Variants in BTBD7 observed in about 807,000 individuals in gnomAD.
BTBD7 encodes BTB domain containing 7.
BTBD7 carries 38 observed loss-of-function variants against 99.9 expected under a neutral mutation model. The ratio of observed to expected loss-of-function variants is 0.38; its 90% CI spans 0.29 to 0.50. The LOEUF (loss-of-function observed/expected upper bound fraction) is 0.50, where lower values mean the gene tolerates loss of function less well. Among genes scored for constraint, BTBD7 ranks in the 20% least tolerant of loss-of-function variants. BTBD7 has a pLI of 0.93. For missense variants in BTBD7, 1,170 were observed against 1,394.6 expected (o/e 0.84, Z 2.57); for synonymous variants, 520 against 511.4 (o/e 1.02, Z -0.23).
At chr14:93,256,529 C>T (rs57176727) in intron 6 of BTBD7, 17,357 of 151,916 alleles carry the variant, frequency 0.11, 1,207 homozygotes, top group African/African-American at 0.19. Context: ...AGCAATTCCC[C>T]TGCCTCAGCC....
chr14:93,279,424 T>C (rs1248986839), intron 3 of BTBD7, among the ~76,000 whole-genome samples: 3 of 152,128 alleles, frequency 2.0e-5, no homozygotes, highest in African/African-American at 4.8e-5. Flanking sequence ...TATGTCCTCC[T>C]GCCCTCCCCT....
At chr14:93,325,298 TG>T (rs1439988183) in intron 1 of BTBD7, among the ~76,000 whole-genome samples, 2 of 151,912 alleles carry the variant, frequency 1.3e-5, no homozygotes. Context: ...TTAGTAGAGA[TG>T]GGGTTTCGCC....
At chr14:93,312,370 T>C (rs1429157673) in intron 1 of BTBD7, among the ~76,000 whole-genome samples, 1 of 152,216 alleles carries the variant, frequency 6.6e-6, no homozygotes, top group East Asian at 1.9e-4. Flanking sequence ...GTGTTAAGAA[T>C]ACAGGTCTAC....
In BTBD7 at chr14:93,251,429, C is replaced by T. The variant is rs12431648; in HGVS notation, c.1942+34G>A. On this transcript the variant is annotated intron_variant, in intron 8 of 10. Transcript: ENST00000334746. ...AATTTCAAAAAAACAATAAATTATT[C>T]ATTTAAATATAAACACCCAACATAC... 4,757 of 1,509,350 alleles carry T rather than the reference C, an allele frequency of 3.2e-3. 135 individuals are homozygous for T. In the African/African-American group the frequency reaches 0.06, roughly 19 times the overall value. The allele number at this position is 1,509,350 out of a possible 1,614,324, so 93.5% of individuals were successfully genotyped here. A position where few individuals can be genotyped will look rare whatever the true frequency, so the allele number is the denominator to read the frequency against.
chr14:93,258,185 G>A (rs2052450919), intron 5 of BTBD7, among the ~76,000 whole-genome samples: 1 of 151,152 alleles, frequency 6.6e-6, no homozygotes, highest in Admixed American at 6.6e-5. Flanking sequence ...AGGAAAACTG[G>A]TATCTTCCTT....
Position 93,294,716 on chromosome 14 carries a change from C to T in BTBD7, c.304G>A (p.Val102Met), listed in dbSNP as rs1401088873. 6.2e-7 allele frequency: 1 copy of T among 1,613,986 alleles called. No individual in the cohort carries two copies. Among genetic ancestry groups the T allele is most frequent in the African/African-American group, 1.3e-5 (1 of 74,912 alleles). The change falls in exon 3 of 11, where the codon GTG becomes ATG. Residue 102 changes from valine (V) to methionine (M), a missense_variant. Val to Met is a conservative substitution (Grantham distance 21, BLOSUM62 1). Transcript: ENST00000334746. Reference sequence around the variant, plus strand: ...GCTGATGTTCCCTCATATTCCTCCACTAATGCATTGACATCTCTAACATCC... The same window carrying T: ...GCTGATGTTCCCTCATATTCCTCCATTAATGCATTGACATCTCTAACATCC... Reference protein sequence around the residue: ...GWDVRDVNALVEEYEGTSALK... With the variant: ...GWDVRDVNALMEEYEGTSALK...
At chr14:93,286,157 T>C (rs185459057) in intron 3 of BTBD7, among the ~76,000 whole-genome samples, 2 of 152,296 alleles carry the variant, frequency 1.3e-5, no homozygotes, top group East Asian at 3.9e-4. Flanking sequence ...AAATTCTCTA[T>C]AGTCCCTGCT....
In BTBD7 at chr14:93,241,608, C is replaced by G. The variant is rs1479116084; in HGVS notation, c.*665G>C. 1 of 152,400 alleles carries G rather than the reference C, an allele frequency of 6.6e-6. No individual in the cohort carries two copies. Among genetic ancestry groups the G allele is most frequent in the Non-Finnish European group, 1.5e-5 (1 of 68,234 alleles). 9.4% of individuals were successfully genotyped at this position (152,400 alleles called of 1,614,324 possible). A position where few individuals can be genotyped will look rare whatever the true frequency, so the allele number is the denominator to read the frequency against. ...ACAGAAGGCTTTTCTCTTTCCTGTT[C>G]TTTCCTGAACCAGCAAACTTCAGGA... On this transcript the variant is annotated 3_prime_UTR_variant, in exon 11 of 11. Coordinates refer to ENST00000334746, the MANE Select transcript of BTBD7 (RefSeq NM_001002860.4).
intron 3 of BTBD7, among the ~76,000 whole-genome samples, chr14:93,266,034 G>C (rs1391063196): frequency 1.3e-5 from 2 of 152,168 alleles, no homozygotes; most frequent in African/African-American, 4.8e-5. Flanking sequence ...CTGCATAGCA[G>C]AATCATAATT....
chr14:93,300,701 AATTTGTGTGT>A (rs1272169772), intron 1 of BTBD7, among the ~76,000 whole-genome samples: 5 of 123,020 alleles, frequency 4.1e-5, no homozygotes, highest in African/African-American at 6.0e-5. Flanking sequence ...ATGCCCAGCT[AATTTGTGTGT>A]GTGTGTGTGT....
chr14:93,243,972 C>T (rs1053425309), intron 10 of BTBD7: 16 of 190,018 alleles, frequency 8.4e-5, no homozygotes, highest in African/African-American at 3.1e-4. Flanking sequence ...TCTAAGAAGG[C>T]GAGAAAGGCT....
At chr14:93,303,472 A>G (rs904819796) in intron 1 of BTBD7, among the ~76,000 whole-genome samples, 29 of 152,088 alleles carry the variant, frequency 1.9e-4, no homozygotes, top group African/African-American at 7.0e-4. Flanking sequence ...AATAAAAAAG[A>G]TAATATGGAC....
At chr14:93,326,049 AC>A in intron 1 of BTBD7, among the ~76,000 whole-genome samples, 1 of 152,342 alleles carries the variant, frequency 6.6e-6, no homozygotes, top group East Asian at 1.9e-4. Context: ...AATTAAAAAA[AC>A]AAAAACAAAA....
At chr14:93,262,456 T>A (rs1341390312) in intron 4 of BTBD7, among the ~76,000 whole-genome samples, 1 of 152,194 alleles carries the variant, frequency 6.6e-6, no homozygotes, top group Non-Finnish European at 1.5e-5. Context: ...CCAAGGCTGG[T>A]CTCGTACTTC....
At chr14:93,250,527 T>C (rs2052358266) in intron 8 of BTBD7, among the ~76,000 whole-genome samples, 1 of 152,250 alleles carries the variant, frequency 6.6e-6, no homozygotes, top group African/African-American at 2.4e-5. Flanking sequence ...AAAAGTTCTG[T>C]CACTATGTCT....
rs942043240 is a variant in BTBD7, at chr14:93,251,708, A to G, written c.1753-56T>C. ...AGTCAACCTTCCTCTGTTAAATCAC[A>G]TTTGAAGGAAGACTATTACTTTCAT... On this transcript the variant is annotated intron_variant, in intron 7 of 10. Transcript: ENST00000334746. 1.3e-5 allele frequency: 18 copies of G among 1,360,138 alleles called. No individual in the cohort carries two copies. The East Asian group carries it at 4.2e-4, about 32-fold the overall frequency. The allele number at this position is 1,360,138 out of a possible 1,614,324, so 84.3% of individuals were successfully genotyped here. A position where few individuals can be genotyped will look rare whatever the true frequency, so the allele number is the denominator to read the frequency against.
rs1473586051 is a variant in BTBD7 at position 93,294,001 on chromosome 14, G to C, written c.1019C>G (p.Ser340Cys). 2 of 1,613,802 alleles carry C rather than the reference G, an allele frequency of 1.2e-6. No individual in the cohort carries two copies. Among genetic ancestry groups the C allele is most frequent in the Non-Finnish European group, 1.7e-6 (2 of 1,179,892 alleles). ...CACAGAGGGGCTACAGTGCAAAACA[G>C]AGAGGTCCACCACGTCGGTATACAT... The part of the protein sequence containing the change: ...HCMYTDVVDL[S>C]VLHCSPSVGS... The change falls in exon 3 of 11, where the codon TCT becomes TGT. Residue 340 changes from serine to cysteine, a missense_variant. Physicochemically the swap from Ser to Cys is moderately radical, Grantham distance 112 (BLOSUM62 -1). Transcript: ENST00000334746.
Position 93,303,873 on chromosome 14 carries a change from G to A in BTBD7, c.-106-7716C>T, listed in dbSNP as rs541439200. Among the ~76,000 whole-genome samples, 5 of 152,312 alleles carry A rather than the reference G, an allele frequency of 3.3e-5. No homozygotes were observed. The East Asian group carries it at 9.6e-4, about 29-fold the overall frequency. ...GAGGAAGGCCTGACTCTAGGACAAT[G>A]GGAGTCGCTTATTCCTCTTATCTGG... On this transcript the variant is annotated intron_variant, in intron 1 of 10. Coordinates refer to ENST00000334746, the MANE Select transcript of BTBD7 (RefSeq NM_001002860.4).
chr14:93,256,256 G>T (rs1359912326), intron 6 of BTBD7: 4 of 151,262 alleles, frequency 2.6e-5, no homozygotes, highest in Admixed American at 2.0e-4. Flanking sequence ...ATTATGTTTT[G>T]TTTTTTTTCC....
Sources: gnomAD v4.1 joint callset for allele counts (sites outside exome capture counted in the v4.1 genomes callset) on GRCh38, gnomAD v4.1.1 for gene constraint, MANE v1.5 for transcripts, NCBI Gene and HGNC (gene_info 2026-07-23, HGNC 2026-07-21) for gene names.